Variants in AFG3L2 observed in about 807,000 individuals in gnomAD.
AFG3L2 encodes the protein AFG3 like matrix AAA peptidase subunit 2.
A neutral mutation model predicts 94.5 loss-of-function variants in AFG3L2; 54 were observed. The ratio of observed to expected loss-of-function variants is 0.57; its 90% CI spans 0.46 to 0.72. AFG3L2 has a LOEUF of 0.72. AFG3L2 is among the 30% of genes least tolerant of loss of function. The probability of loss-of-function intolerance (pLI) is 0.00; values close to 1 mark genes in which losing one functional copy is unlikely to be tolerated. For missense variants in AFG3L2, 754 were observed against 994.9 expected (o/e 0.76, Z 3.26); for synonymous variants, 377 against 365.5 (o/e 1.03, Z -0.36).
At chr18:12,345,572 C>T (rs944443437) in intron 13 of AFG3L2, among the ~76,000 whole-genome samples, 1 of 152,158 alleles carries the variant, frequency 6.6e-6, no homozygotes, top group Non-Finnish European at 1.5e-5. Context: ...TCTGGCTTAC[C>T]TGTAAAAGCA....
intron 15 of AFG3L2, 22 bp from the exon 16 acceptor site, chr18:12,337,557 G>A (rs150926821): frequency 4.7e-5 from 75 of 1,610,666 alleles, no homozygotes; most frequent in African/African-American, 1.5e-4. Context: ...ATAATTAGTG[G>A]TGATTACATA....
At chr18:12,332,835 T>TAC (rs71172073) in intron 16 of AFG3L2, among the ~76,000 whole-genome samples, 7,076 of 135,288 alleles carry the variant, frequency 0.052, 334 homozygotes, top group East Asian at 0.21. Context: ...AATTTGCTTA[T>TAC]ACACACACAC....
chr18:12,357,800 T>C (rs745636130), intron 8 of AFG3L2, among the ~76,000 whole-genome samples: 1 of 152,128 alleles, frequency 6.6e-6, no homozygotes, highest in African/African-American at 2.4e-5. Flanking sequence ...GGATTCACCA[T>C]GTTGGCCAGG....
chr18:12,369,823 G>A (rs549330254), intron 3 of AFG3L2, among the ~76,000 whole-genome samples: 8 of 152,020 alleles, frequency 5.3e-5, no homozygotes, highest in East Asian at 3.9e-4. Flanking sequence ...TTGGGAGGCC[G>A]AGGCAGGCGG....
rs552894409 is a variant in AFG3L2, at chr18:12,372,910, T to C, written c.115-1219A>G. Among the ~76,000 whole-genome samples the C allele has an allele frequency of 2.0e-5, 3 of 152,254 alleles. No homozygotes were observed. The South Asian group carries it at 6.2e-4, about 32-fold the overall frequency. On this transcript the variant is annotated intron_variant, in intron 1 of 16. Transcript: ENST00000269143. ...CAGAGAAATGCGAAATGATTACTAATGGTCGCAGGGCTTCTTTCTGGAGTG... is the reference window on the plus strand; with the variant it reads ...CAGAGAAATGCGAAATGATTACTAACGGTCGCAGGGCTTCTTTCTGGAGTG...
chr18:12,371,967 C>G (rs1909004921), intron 1 of AFG3L2, among the ~76,000 whole-genome samples: 2 of 152,224 alleles, frequency 1.3e-5, no homozygotes. Flanking sequence ...AATTATGTGA[C>G]AACACATTCA....
chr18:12,363,608 A>G lies in AFG3L2; in HGVS notation c.627+174T>C, dbSNP rs116962853. 2.9e-3 allele frequency among the ~76,000 whole-genome samples: 441 copies of G among 152,286 alleles called. 3 individuals are homozygous for G. Among genetic ancestry groups the G allele is most frequent in the East Asian group, 6.0e-3 (31 of 5,176 alleles). On this transcript the variant is annotated intron_variant, in intron 6 of 16. Coordinates refer to ENST00000269143, the MANE Select transcript of AFG3L2 (RefSeq NM_006796.3). ...GACCCAATCCCTATATCAATAATCC[A>G]TACACAACATTCCCATTTCCACTGA...
intron 14 of AFG3L2, chr18:12,341,746 C>A (rs1907959631): frequency 6.6e-6 from 1 of 152,126 alleles, no homozygotes; most frequent in African/African-American, 2.4e-5. Flanking sequence ...GTTTTTATTT[C>A]TCTTGGGGAA....
At chr18:12,371,078 T>G (rs1376926150) in intron 2 of AFG3L2, 152 bp from the exon 3 acceptor site, 1 of 535,806 alleles carries the variant, frequency 1.9e-6, no homozygotes, top group African/African-American at 1.9e-5. Flanking sequence ...TTTGGGAGGC[T>G]GAGGTGGGCA....
At chr18:12,335,462 T>C (rs1907712447) in intron 16 of AFG3L2, among the ~76,000 whole-genome samples, 2 of 151,550 alleles carry the variant, frequency 1.3e-5, no homozygotes, top group Non-Finnish European at 2.9e-5. Flanking sequence ...CTTCCCTTCC[T>C]GCCACTCTTT....
In AFG3L2 at chr18:12,357,563, G is replaced by T. The variant is rs147925134; in HGVS notation, c.1027-732C>A. Among the ~76,000 whole-genome samples, 146 of 151,740 alleles carry T rather than the reference G, an allele frequency of 9.6e-4. 1 individual carries two copies. Among genetic ancestry groups the T allele is most frequent in the African/African-American group, 3.4e-3 (142 of 41,406 alleles). On this transcript the variant is annotated intron_variant, in intron 8 of 16. Transcript: ENST00000269143. ...AAGTAGAAATCTAACGACCAATGAT[G>T]AACTTAACTTCAAAGAAAGATGTGT...
intron 13 of AFG3L2, among the ~76,000 whole-genome samples, chr18:12,347,114 G>A (rs951862310): frequency 1.3e-5 from 2 of 152,130 alleles, no homozygotes; most frequent in Non-Finnish European, 2.9e-5. Context: ...GTGACAGAAT[G>A]AGACTCTGTC....
At position 12,370,478 on chromosome 18, in the gene AFG3L2, TTC is replaced by T. The variant is rs1555673221; in HGVS notation, c.292+369_292+370del. 3.8e-3 allele frequency among the ~76,000 whole-genome samples: 325 copies of T among 84,730 alleles called. 8 individuals are homozygous for T. Among genetic ancestry groups the T allele is most frequent in the East Asian group, 7.1e-3 (15 of 2,102 alleles). The allele number at this position is 84,730 out of a possible 152,430, so 55.6% of individuals were successfully genotyped here. On this transcript the variant is annotated intron_variant, in intron 3 of 16. Coordinates refer to ENST00000269143, the MANE Select transcript of AFG3L2 (RefSeq NM_006796.3). ...CTATAACTTTCTTTTTTTTTTTTTT[TTC>T]TTTTTTTTTTGAGACAGGGTCTCTC...
chr18:12,355,425 A>G (rs569835208), intron 9 of AFG3L2, among the ~76,000 whole-genome samples: 250 of 152,300 alleles, frequency 1.6e-3, no homozygotes, highest in Non-Finnish European at 3.1e-3. Context: ...CTATCATCAA[A>G]GTGTTGGTAA....
At chr18:12,359,480 T>C (rs2143194099) in intron 7 of AFG3L2, among the ~76,000 whole-genome samples, 1 of 152,276 alleles carries the variant, frequency 6.6e-6, no homozygotes, top group South Asian at 2.1e-4. Context: ...GGCTCACAAC[T>C]GTAATCCCAG....
At position 12,359,974 on chromosome 18, in the gene AFG3L2, T is replaced by C; in HGVS notation, c.705A>G (p.Ile235Met). ...CAACAGGCACCCGATTTTCTCCTTC[T>C]ATGCCCAATTCCTGCTGTAAAGTTT... ...NLETLQQELG[I>M]EGENRVPVVY... The change falls in exon 7 of 17, where the codon ATA (isoleucine) becomes ATG (methionine). Residue 235 changes from isoleucine (I) to methionine (M), a missense_variant. Around this residue, in one of 4 missense-constraint regions of AFG3L2, gnomAD observed 130 missense variants for 175.1 expected, o/e 0.74. Coordinates refer to ENST00000269143, the MANE Select transcript of AFG3L2 (RefSeq NM_006796.3). The C allele has an allele frequency of 6.2e-7, 1 of 1,614,160 alleles. No individual in the cohort carries two copies. Among genetic ancestry groups the C allele is most frequent in the Non-Finnish European group, 8.5e-7 (1 of 1,180,024 alleles).
Position 12,377,072 on chromosome 18 carries a change from C to T in AFG3L2, c.11G>A (p.Arg4His). 2.8e-6 allele frequency: 4 copies of T among 1,425,950 alleles called. No homozygotes were observed. The highest frequency in any genetic ancestry group is 1.8e-6 in the Non-Finnish European group (2 of 1,090,084). 88.3% of individuals were successfully genotyped at this position (1,425,950 alleles called of 1,614,324 possible). A position where few individuals can be genotyped will look rare whatever the true frequency, so the allele number is the denominator to read the frequency against. The change falls in exon 1 of 17, where the codon CGC becomes CAC. Residue 4 changes from arginine to histidine, a missense_variant. Physicochemically the swap from Arg to His is conservative, Grantham distance 29. Coordinates refer to ENST00000269143, the MANE Select transcript of AFG3L2 (RefSeq NM_006796.3). MAHRCLRLWGRGGC... is the reference protein window; with the variant it reads MAHHCLRLWGRGGC... ...GCCCCGGCCCCACAGCCGCAAACAG[C>T]GGTGCGCCATGGCCGCCGCCGTGGC...
chr18:12,330,529 G>T (rs1907488806), intron 16 of AFG3L2, among the ~76,000 whole-genome samples: 1 of 152,136 alleles, frequency 6.6e-6, no homozygotes. Flanking sequence ...TGTAATCCCA[G>T]CACTTTGGGA....
intron 16 of AFG3L2, among the ~76,000 whole-genome samples, chr18:12,331,830 T>A (rs1398946391): frequency 0.067 from 186 of 2,766 alleles, 1 homozygote; most frequent in South Asian, 0.35. Flanking sequence ...TATATATATA[T>A]ATATATATAT....
Sources: allele counts gnomAD v4.1 joint callset (sites outside exome capture counted in the v4.1 genomes callset), GRCh38; gene constraint gnomAD v4.1.1; regional missense constraint gnomAD v4.1.1; transcripts MANE v1.5; gene names NCBI Gene and HGNC (gene_info 2026-07-23, HGNC 2026-07-21).